The following SRPK1 variants were observed in gnomAD, a reference collection of about 807,000 sequenced individuals.
SRPK1 encodes SRSF protein kinase 1.
Under a neutral mutation model 89.5 loss-of-function variants are expected in SRPK1, and 52 were observed. The observed-to-expected ratio is 0.58, with a 90% CI of 0.46 to 0.73. SRPK1 has a LOEUF of 0.73. SRPK1 is among the 30% of genes least tolerant of loss of function. The pLI is 0.00. For synonymous variants in SRPK1, 255 were observed against 270.2 expected (o/e 0.94, Z 0.55); for missense variants, 603 against 780.6 (o/e 0.77, Z 2.71).
chr6:35,843,709 A>G (rs917947693), intron 13 of SRPK1, among the ~76,000 whole-genome samples: 7 of 152,144 alleles, frequency 4.6e-5, no homozygotes, highest in African/African-American at 1.7e-4. Context: ...TCTGCCTCCC[A>G]AAGTGCTGGG....
intron 7 of SRPK1, 133 bp from the exon 8 acceptor site, chr6:35,872,861 T>A: frequency 1.3e-6 from 1 of 792,888 alleles, no homozygotes; most frequent in Non-Finnish European, 1.8e-6. Context: ...AAGCACCTTT[T>A]AAAAAAGCAC....
chr6:35,897,403 T>C (rs1429066834), intron 2 of SRPK1, among the ~76,000 whole-genome samples: 1 of 152,230 alleles, frequency 6.6e-6, no homozygotes, highest in Non-Finnish European at 1.5e-5. Context: ...TCTATCCAAC[T>C]ATTAATAAAA....
At position 35,833,512 on chromosome 6, in the gene SRPK1, A is replaced by G. The variant is rs1022082788; in HGVS notation, c.*1792T>C. The G allele has an allele frequency of 2.0e-5, 3 of 152,792 alleles. No individual in the cohort carries two copies. Among genetic ancestry groups the G allele is most frequent in the Admixed American group, 6.5e-5 (1 of 15,296 alleles). The allele number at this position is 152,792 out of a possible 1,614,324, so 9.5% of individuals were successfully genotyped here. ...AACAGCTGAAAACCCAAAGTGGATT[A>G]GAATTGCTGAAGGATTTCCCTGCCG... On this transcript the variant is annotated 3_prime_UTR_variant, in exon 16 of 16. Coordinates refer to ENST00000373825, the MANE Select transcript of SRPK1 (RefSeq NM_003137.5).
At chr6:35,882,408 C>T (rs2127254093) in intron 6 of SRPK1, among the ~76,000 whole-genome samples, 1 of 152,162 alleles carries the variant, frequency 6.6e-6, no homozygotes, top group South Asian at 2.1e-4. Flanking sequence ...CCTCAAACTC[C>T]CAGGCTCGAG....
intron 2 of SRPK1, among the ~76,000 whole-genome samples, chr6:35,906,462 C>T (rs183175885): frequency 6.6e-6 from 1 of 152,300 alleles, no homozygotes; most frequent in East Asian, 1.9e-4. Context: ...TGGCCTCAAA[C>T]GATCCACCGG....
chr6:35,878,156 C>T (rs1770196016), intron 6 of SRPK1, among the ~76,000 whole-genome samples: 1 of 152,172 alleles, frequency 6.6e-6, no homozygotes, highest in Admixed American at 6.5e-5. Context: ...GGTAAAGATT[C>T]ACCCAGTAGC....
chr6:35,858,613 C>G (rs916024354), intron 12 of SRPK1, among the ~76,000 whole-genome samples: 6 of 152,140 alleles, frequency 3.9e-5, no homozygotes, highest in African/African-American at 1.4e-4. Flanking sequence ...CTCTACAAAG[C>G]CAACTGAGAG....
chr6:35,888,343 T>C (rs560161683), intron 4 of SRPK1, among the ~76,000 whole-genome samples: 1 of 152,306 alleles, frequency 6.6e-6, no homozygotes, highest in Non-Finnish European at 1.5e-5. Flanking sequence ...TGTTGAACAT[T>C]TTCTCTGAGT....
chr6:35,920,680 G>C, intron 1 of SRPK1, 152 bp from the exon 2 acceptor site: 2 of 360,284 alleles, frequency 5.6e-6, no homozygotes, highest in Non-Finnish European at 8.5e-6. Flanking sequence ...CGTGGGGCTG[G>C]CGGCCCACGG....
chr6:35,876,085 TAAAAA>T (rs34493292), intron 6 of SRPK1, among the ~76,000 whole-genome samples: 5 of 77,642 alleles, frequency 6.4e-5, no homozygotes, highest in Non-Finnish European at 1.2e-4. Context: ...ATTCTTAAAT[TAAAAA>T]AAAAAAAAAA....
At chr6:35,843,571 C>G (rs1382661735) in intron 13 of SRPK1, among the ~76,000 whole-genome samples, 1 of 151,906 alleles carries the variant, frequency 6.6e-6, no homozygotes, top group East Asian at 2.0e-4. Context: ...CTGCCTCAGC[C>G]TCCGGAGTAG....
Position 35,869,681 on chromosome 6 carries a change from G to A in SRPK1, c.1212C>T (p.Asp404=), listed in dbSNP as rs1193660215. The change falls in exon 11 of 16, where the codon GAC becomes GAT. Residue 404 remains aspartate (D), a synonymous_variant. Transcript: ENST00000373825. ...ESSFLSSQNG[D]SSTSQETDSC... is the part of the protein sequence containing the mutation. Reference sequence around the variant, plus strand: ...AGTCTGTTTCTTGAGATGTGCTGCTGTCTCCATTTTGGGAGCTTAGGAAAC... The same window carrying A: ...AGTCTGTTTCTTGAGATGTGCTGCTATCTCCATTTTGGGAGCTTAGGAAAC... The A allele has an allele frequency of 1.2e-6, 2 of 1,613,836 alleles. No homozygotes were observed. Among genetic ancestry groups the A allele is most frequent in the Admixed American group, 1.7e-5 (1 of 59,998 alleles).
chr6:35,846,282 G>A (rs1769424364), intron 13 of SRPK1, among the ~76,000 whole-genome samples: 1 of 151,080 alleles, frequency 6.6e-6, no homozygotes. Flanking sequence ...AAAATCTAAA[G>A]ATATGTTGTA....
At chr6:35,838,931 T>A in intron 14 of SRPK1, 1 of 952,320 alleles carries the variant, frequency 1.1e-6, no homozygotes, top group Non-Finnish European at 1.4e-6. Context: ...GAAGACTGAC[T>A]GGGAAGGCCA....
chr6:35,913,112 CT>C (rs1771008249), intron 2 of SRPK1, among the ~76,000 whole-genome samples: 1 of 152,222 alleles, frequency 6.6e-6, no homozygotes, highest in Non-Finnish European at 1.5e-5. Context: ...CACCCGCAGC[CT>C]TATTCACTTT....
chr6:35,879,748 T>G (rs1017200360), intron 6 of SRPK1, among the ~76,000 whole-genome samples: 1 of 151,994 alleles, frequency 6.6e-6, no homozygotes, highest in Admixed American at 6.6e-5. Context: ...GATGCAGACC[T>G]ACTAGAAAAA....
chr6:35,839,090 G>A (rs1253115916), intron 14 of SRPK1, among the ~76,000 whole-genome samples: 1 of 152,216 alleles, frequency 6.6e-6, no homozygotes, highest in African/African-American at 2.4e-5. Context: ...GTCCAAATAT[G>A]TGTTAGGCAT....
In SRPK1 at chr6:35,870,409, T is replaced by C; in HGVS notation, c.863A>G (p.Glu288Gly). 1 of 1,580,694 alleles carries C rather than the reference T, an allele frequency of 6.3e-7. No homozygotes were observed. The highest frequency in any genetic ancestry group is 8.6e-7 in the Non-Finnish European group (1 of 1,161,648). ...CGACTCTTTCTCCATTTCCTCAATT[T>C]CCTGCATTCGCTTCTCTAGTAATTC... ...QAELLEKRMQ[E>G]IEEMEKESGP... Residue 288 changes from glutamate (E) to glycine (G), a missense_variant, in exon 10 of 16, where the codon GAA becomes GGA. Coordinates refer to ENST00000373825, the MANE Select transcript of SRPK1 (RefSeq NM_003137.5).
rs923067283 is a variant in SRPK1 at position 35,836,621 on chromosome 6, G to A, written c.1784-1133C>T. Among the ~76,000 whole-genome samples, 6 of 152,016 alleles carry A rather than the reference G, an allele frequency of 3.9e-5. 1 individual carries two copies. The South Asian group carries it at 1.2e-3, about 32-fold the overall frequency. ...TACAAAAAAATTAGCTGTGTATGGT[G>A]GCACATGCCTGTGGTCCTAGCTACT... On this transcript the variant is annotated intron_variant, in intron 15 of 15. Transcript: ENST00000373825.
Sources: allele counts gnomAD v4.1 joint callset (sites outside exome capture counted in the v4.1 genomes callset), GRCh38; gene constraint gnomAD v4.1.1; transcripts MANE v1.5; gene names NCBI Gene and HGNC (gene_info 2026-07-23, HGNC 2026-07-21).